Variants in HEXB observed in about 807,000 individuals in gnomAD.
HEXB encodes hexosaminidase subunit beta.
Under a neutral mutation model 71.2 loss-of-function variants are expected in HEXB, and 51 were observed. The ratio of observed to expected loss-of-function variants is 0.72; its 90% CI spans 0.57 to 0.90. The LOEUF (loss-of-function observed/expected upper bound fraction) is 0.90, where lower values mean the gene tolerates loss of function less well. Among genes scored for constraint, HEXB ranks in the 40% least tolerant of loss-of-function variants. The pLI is 0.00. For synonymous variants in HEXB, 266 were observed against 249.3 expected (o/e 1.07, Z -0.63); for missense variants, 617 against 677.0 (o/e 0.91, Z 0.98).
chr5:74,677,770 T>C (rs1352580546), intron 1 of HEXB, among the ~76,000 whole-genome samples: 5 of 152,096 alleles, frequency 3.3e-5, no homozygotes, highest in African/African-American at 1.2e-4. Flanking sequence ...ATTAATTATA[T>C]AGCAGTGAAT....
intron 1 of HEXB, among the ~76,000 whole-genome samples, chr5:74,675,926 A>G (rs1484166419): frequency 6.6e-6 from 1 of 152,222 alleles, no homozygotes; most frequent in African/African-American, 2.4e-5. Flanking sequence ...TATGAATAGC[A>G]GCAACAAAAA....
At chr5:74,694,664 C>T (rs1352167011) in intron 3 of HEXB, among the ~76,000 whole-genome samples, 1 of 152,068 alleles carries the variant, frequency 6.6e-6, no homozygotes, top group Non-Finnish European at 1.5e-5. Context: ...CAAACTTAGT[C>T]ATTAAAATAA....
chr5:74,718,241 T>C, intron 9 of HEXB, 50 bp from the exon 10 acceptor site: 1 of 1,180,058 alleles, frequency 8.5e-7, no homozygotes, highest in Non-Finnish European at 1.3e-6. Flanking sequence ...GTTTTAAATA[T>C]ATTGTTAAGC....
chr5:74,685,373 A>T lies in HEXB; in HGVS notation c.113A>T (p.Gln38Leu), dbSNP rs923752671. 9 of 1,588,856 alleles carry T rather than the reference A, an allele frequency of 5.7e-6. No homozygotes were observed. Among genetic ancestry groups the T allele is most frequent in the Non-Finnish European group, 7.7e-6 (9 of 1,169,548 alleles). ...ALLTQVALVV[Q>L]VAEAARAPSV... ...CTGACTCAGGTGGCGCTGGTGGTGC[A>T]GGTGGCGGAGGCGGCTCGGGCCCCG... Residue 38 changes from glutamine to leucine, a missense_variant, in exon 1 of 14, where the codon CAG becomes CTG. By Grantham distance (113) the Gln-to-Leu change is moderately radical. Coordinates refer to ENST00000261416, the MANE Select transcript of HEXB (RefSeq NM_000521.4).
At chr5:74,675,266 G>A (rs1748610605) in intron 1 of HEXB, among the ~76,000 whole-genome samples, 1 of 152,152 alleles carries the variant, frequency 6.6e-6, no homozygotes, top group African/African-American at 2.4e-5. Context: ...GGTATCGAGA[G>A]CAATTAAATA....
chr5:74,685,445 T>C lies in HEXB; in HGVS notation c.185T>C (p.Leu62Ser), dbSNP rs820878. The C allele has an allele frequency of 0.96, 1,548,467 of 1,610,796 alleles. 744,515 individuals are homozygous for C. Among genetic ancestry groups the C allele is most frequent in the East Asian group, 1 (44,647 of 44,656 alleles). ...PGPALWPLPL[L>S]VKMTPNLLHL... ...CCGGCGCTGTGGCCCCTGCCGCTCT[T>C]GGTGAAGATGACCCCGAACCTGCTG... The change falls in exon 1 of 14, where the codon TTG (leucine) becomes TCG (serine). Residue 62 changes from leucine to serine, a missense_variant. By Grantham distance (145) the Leu-to-Ser change is moderately radical. Transcript: ENST00000261416.
At chr5:74,712,420 TAAAG>T (rs1749567878) in intron 6 of HEXB, among the ~76,000 whole-genome samples, 1 of 146,600 alleles carries the variant, frequency 6.8e-6, no homozygotes, top group African/African-American at 2.7e-5. Flanking sequence ...CCCTAAAACT[TAAAG>T]TATGATAATA....
chr5:74,647,835 G>T (rs926654726), intron 1 of HEXB, among the ~76,000 whole-genome samples: 3 of 152,192 alleles, frequency 2.0e-5, no homozygotes, highest in Middle Eastern at 3.2e-3. Context: ...TAGCCAATCA[G>T]TCATTCATTC....
At chr5:74,689,637 T>C in intron 2 of HEXB, 164 bp downstream of exon 2, 3 of 678,166 alleles carry the variant, frequency 4.4e-6, no homozygotes, top group Non-Finnish European at 7.9e-6. Context: ...AAGTAGTACA[T>C]AGTCTTTGTG....
intron 1 of HEXB, among the ~76,000 whole-genome samples, chr5:74,647,209 T>C (rs1373102343): frequency 6.6e-6 from 1 of 152,340 alleles, no homozygotes; most frequent in Non-Finnish European, 1.5e-5. Context: ...TTGTTCTAAG[T>C]AATTACATTC....
At chr5:74,694,323 A>G (rs1202802378) in intron 3 of HEXB, among the ~76,000 whole-genome samples, 1 of 152,202 alleles carries the variant, frequency 6.6e-6, no homozygotes, top group East Asian at 1.9e-4. Context: ...TGATTAGGGA[A>G]TTTTGTTTCA....
At chr5:74,688,449 C>T (rs1365484574) in intron 1 of HEXB, among the ~76,000 whole-genome samples, 2 of 152,070 alleles carry the variant, frequency 1.3e-5, no homozygotes, top group Non-Finnish European at 2.9e-5. Flanking sequence ...GTTCTCCTGC[C>T]TCAGCCTCCT....
chr5:74,687,727 C>T (rs1324998962), intron 1 of HEXB, among the ~76,000 whole-genome samples: 2 of 151,912 alleles, frequency 1.3e-5, no homozygotes, highest in African/African-American at 2.4e-5. Flanking sequence ...TAAAATTTAC[C>T]ATCTTAACCT....
At chr5:74,712,429 A>G (rs1287142413) in intron 6 of HEXB, among the ~76,000 whole-genome samples, 1 of 145,242 alleles carries the variant, frequency 6.9e-6, no homozygotes, top group Admixed American at 6.9e-5. Flanking sequence ...TTAAAGTATG[A>G]TAATAATAAA....
chr5:74,705,316 A>G lies in HEXB; in HGVS notation c.767A>G (p.Asn256Ser). Residue 256 changes from asparagine to serine, a missense_variant, in exon 6 of 14, where the codon AAT (asparagine) becomes AGT (serine). Transcript: ENST00000261416. Reference sequence around the variant, plus strand: ...AGCATCACTTTTCCTGAGTTAAGCAATAAAGTGAGTAAATTGTATTGTACT... The same window carrying G: ...AGCATCACTTTTCCTGAGTTAAGCAGTAAAGTGAGTAAATTGTATTGTACT... The part of the protein sequence containing the change: ...YQSITFPELS[N>S]KGSYSLSHVY... 1 of 1,520,910 alleles carries G rather than the reference A, an allele frequency of 6.6e-7. No homozygotes were observed. The highest frequency in any genetic ancestry group is 9.1e-7 in the Non-Finnish European group (1 of 1,095,238). The allele number at this position is 1,520,910 out of a possible 1,614,324, so 94.2% of individuals were successfully genotyped here.
chr5:74,649,789 A>T (rs1748069557), intron 1 of HEXB, among the ~76,000 whole-genome samples: 1 of 152,206 alleles, frequency 6.6e-6, no homozygotes, highest in Non-Finnish European at 1.5e-5. Flanking sequence ...TCATTCTTTC[A>T]TTCTGGCACA....
At chr5:74,654,981 C>T (rs1004710216) in intron 1 of HEXB, among the ~76,000 whole-genome samples, 1 of 152,146 alleles carries the variant, frequency 6.6e-6, no homozygotes, top group Non-Finnish European at 1.5e-5. Context: ...GTCCAGGGAC[C>T]TGAAGCTGGT....
At position 74,715,623 on chromosome 5, in the gene HEXB, G is replaced by T; in HGVS notation, c.1015G>T (p.Glu339Ter). 1 of 1,609,734 alleles carries T rather than the reference G, an allele frequency of 6.2e-7. No homozygotes were observed. The highest frequency in any genetic ancestry group is 8.5e-7 in the Non-Finnish European group (1 of 1,176,544). The change falls in exon 8 of 14, where the codon GAA becomes TAA. Residue 339 changes from glutamate (E) to a stop codon, truncating the protein, a stop_gained. Coordinates refer to ENST00000261416, the MANE Select transcript of HEXB (RefSeq NM_000521.4). LOFTEE classifies it high-confidence loss of function. ...CAGCTTCCTTACTACATTTTTCAAA[G>T]AAATTAGTGAGGTGTTTCCAGATCA... ...TYSFLTTFFKEISEVFPDQFI... is the reference protein window; with the variant it reads ...TYSFLTTFFK
chr5:74,709,775 G>T (rs981998685), intron 6 of HEXB, among the ~76,000 whole-genome samples: 68 of 152,256 alleles, frequency 4.5e-4, no homozygotes, highest in Middle Eastern at 6.8e-3. Flanking sequence ...AATAACAGGA[G>T]CTGAAATTGT....
Sources: gnomAD v4.1 joint callset for allele counts (sites outside exome capture counted in the v4.1 genomes callset) on GRCh38, gnomAD v4.1.1 for gene constraint, MANE v1.5 for transcripts, NCBI Gene and HGNC (gene_info 2026-07-23, HGNC 2026-07-21) for gene names.